CA10: variants seen among roughly 807,000 people sequenced by gnomAD.
CA10 encodes carbonic anhydrase 10 (inactive).
In CA10, 14 loss-of-function variants were observed where a neutral mutation model predicts 44.2. The observed-to-expected ratio is 0.32, with a 90% CI of 0.21 to 0.50. The LOEUF is 0.50. CA10 is among the 20% of genes least tolerant of loss of function. CA10 has a pLI of 0.99. For missense variants in CA10, 350 were observed against 409.7 expected, an observed-to-expected ratio of 0.85 and a Z score of 1.26; for synonymous variants, 159 against 141.6, an observed-to-expected ratio of 1.12 and a Z score of -0.87.
intron 2 of CA10, among the ~76,000 whole-genome samples, chr17:52,041,063 C>T (rs900752221): frequency 6.6e-6 from 1 of 151,886 alleles, no homozygotes; most frequent in African/African-American, 2.4e-5. Context: ...CTAAATTAGC[C>T]TTAGAATGAT....
At chr17:51,649,854 C>A (rs913932895) in intron 5 of CA10, among the ~76,000 whole-genome samples, 9 of 142,864 alleles carry the variant, frequency 6.3e-5, no homozygotes, top group Admixed American at 4.4e-4. Flanking sequence ...TAAAGAGTAC[C>A]CAGAATAGAG....
chr17:51,945,331 G>A (rs904721606), intron 2 of CA10, among the ~76,000 whole-genome samples: 2 of 152,122 alleles, frequency 1.3e-5, no homozygotes, highest in African/African-American at 2.4e-5. Flanking sequence ...GGAGACTGGG[G>A]CTCCATCAAG....
intron 3 of CA10, among the ~76,000 whole-genome samples, chr17:51,818,926 C>T (rs956305080): frequency 2.0e-5 from 3 of 152,132 alleles, no homozygotes; most frequent in African/African-American, 7.2e-5. Context: ...ACTATAAATG[C>T]AGCTGTTATC....
rs540518033 is a variant in CA10, at chr17:52,025,647, ATGATAAAATCAGGACAC to A, written c.136+46655_136+46671del. Among the ~76,000 whole-genome samples, 336 of 152,296 alleles carry A rather than the reference ATGATAAAATCAGGACAC, an allele frequency of 2.2e-3. 2 individuals carry two copies. Among genetic ancestry groups the A allele is most frequent in the Admixed American group, 6.2e-3 (95 of 15,284 alleles). On this transcript the variant is annotated intron_variant, in intron 2 of 8. Transcript: ENST00000451037. ...AATGGGTAAAGCACCTAGATAGAAA[ATGATAAAATCAGGACAC>A]TGCCATTTCTATTCATGAATGCCTT...
chr17:51,983,977 G>A (rs1984741204), intron 2 of CA10, among the ~76,000 whole-genome samples: 1 of 151,698 alleles, frequency 6.6e-6, no homozygotes, highest in Admixed American at 6.6e-5. Context: ...CCAACACGAA[G>A]TCTCTATGCA....
intron 4 of CA10, among the ~76,000 whole-genome samples, chr17:51,699,192 G>A (rs537670703): frequency 2.0e-4 from 31 of 151,968 alleles, no homozygotes; most frequent in Non-Finnish European, 4.3e-4. Context: ...GTATGGTGGC[G>A]GGCACTTGTA....
chr17:51,786,600 T>C (rs1906294390), intron 3 of CA10, among the ~76,000 whole-genome samples: 1 of 152,204 alleles, frequency 6.6e-6, no homozygotes, highest in South Asian at 2.1e-4. Context: ...CAAGGATAAT[T>C]TGACTTCTTC....
intron 4 of CA10, among the ~76,000 whole-genome samples, chr17:51,704,629 C>G (rs1363672439): frequency 2.6e-5 from 4 of 152,198 alleles, no homozygotes; most frequent in Non-Finnish European, 5.9e-5. Context: ...TGCCCATCCA[C>G]TCTATCTTCT....
At chr17:51,956,982 T>C (rs1261515340) in intron 2 of CA10, among the ~76,000 whole-genome samples, 1 of 152,162 alleles carries the variant, frequency 6.6e-6, no homozygotes, top group East Asian at 1.9e-4. Flanking sequence ...AAATGGCACC[T>C]GGAGTCTTAC....
intron 3 of CA10, among the ~76,000 whole-genome samples, chr17:51,777,955 T>C (rs1654850902): frequency 6.6e-6 from 1 of 152,128 alleles, no homozygotes; most frequent in African/African-American, 2.4e-5. Flanking sequence ...ATATTATATA[T>C]AGATACAAAT....
At chr17:52,118,264 G>A (rs867575334) in intron 1 of CA10, among the ~76,000 whole-genome samples, 8 of 152,132 alleles carry the variant, frequency 5.3e-5, no homozygotes, top group South Asian at 2.1e-4. Context: ...GATAATGAGC[G>A]ATTTTCATTT....
intron 3 of CA10, among the ~76,000 whole-genome samples, chr17:51,822,390 G>A (rs1907842591): frequency 1.3e-5 from 2 of 151,996 alleles, no homozygotes; most frequent in Admixed American, 1.3e-4. Context: ...ACTCCAGCCT[G>A]GGTGACAGAG....
intron 7 of CA10, 50 bp from the exon 8 acceptor site, chr17:51,633,700 T>C: frequency 1.3e-6 from 2 of 1,584,250 alleles, no homozygotes; most frequent in Non-Finnish European, 1.7e-6. Flanking sequence ...TTAAATGCAC[T>C]AGGGAAGAAA....
intron 1 of CA10, among the ~76,000 whole-genome samples, chr17:52,108,986 A>G (rs1056950359): frequency 2.0e-5 from 3 of 152,192 alleles, no homozygotes; most frequent in Admixed American, 2.0e-4. Context: ...TAAATTACAA[A>G]TTGCTGATGA....
In CA10 at chr17:51,745,051, ATG is replaced by A. The variant is rs368374878; in HGVS notation, c.465+2580_465+2581del. Among the ~76,000 whole-genome samples the A allele has an allele frequency of 2.0e-5, 3 of 152,162 alleles. 1 individual carries two copies. Among genetic ancestry groups the A allele is most frequent in the South Asian group, 4.1e-4 (2 of 4,820 alleles). ...GCTCAAGCCTACATTGGAGCAGTGG[ATG>A]TGTGTGTGTGACCACCCTACTTGGG... On this transcript the variant is annotated intron_variant, in intron 4 of 8. Transcript: ENST00000451037.
At chr17:51,983,828 C>A (rs1396049294) in intron 2 of CA10, among the ~76,000 whole-genome samples, 1 of 151,708 alleles carries the variant, frequency 6.6e-6, no homozygotes, top group African/African-American at 2.4e-5. Context: ...TTTTTAAAAT[C>A]CTATGCCAAC....
intron 4 of CA10, among the ~76,000 whole-genome samples, chr17:51,724,486 C>T (rs375318263): frequency 6.6e-6 from 1 of 152,182 alleles, no homozygotes; most frequent in East Asian, 1.9e-4. Flanking sequence ...GAGGCCCAAC[C>T]ACTTCTGAAT....
chr17:51,933,533 C>A (rs943184116), intron 2 of CA10, among the ~76,000 whole-genome samples: 1 of 151,922 alleles, frequency 6.6e-6, no homozygotes, highest in East Asian at 1.9e-4. Context: ...GATGTTTAAC[C>A]CCTTGAGAAT....
At chr17:52,108,063 CT>C (rs1567735770) in intron 1 of CA10, among the ~76,000 whole-genome samples, 1 of 151,548 alleles carries the variant, frequency 6.6e-6, no homozygotes, top group African/African-American at 2.4e-5. Flanking sequence ...TAGCCACGCA[CT>C]TATTCTATTA....
Sources: gnomAD v4.1 joint callset for allele counts (sites outside exome capture counted in the v4.1 genomes callset) on GRCh38, gnomAD v4.1.1 for gene constraint, MANE v1.5 for transcripts, NCBI Gene and HGNC (gene_info 2026-07-23, HGNC 2026-07-21) for gene names.